Variants in KCNIP4 observed in about 807,000 individuals in gnomAD.
KCNIP4 encodes the protein Kv channel-interacting protein 4.
Under a neutral mutation model 34.0 loss-of-function variants are expected in KCNIP4, and 12 were observed. The observed-to-expected ratio is 0.35, with a 90% confidence interval of 0.23 to 0.57. KCNIP4 has a LOEUF of 0.57. Ranked by LOEUF, KCNIP4 falls within the 20% of genes least tolerant of loss-of-function variation. The pLI is 0.83. For missense variants in KCNIP4, 238 were observed against 311.7 expected (o/e 0.76, Z 1.78); for synonymous variants, 124 against 102.2 (o/e 1.21, Z -1.29).
At chr4:21,043,962 TTCCATTGGG>T (rs1039458472) in intron 1 of KCNIP4, among the ~76,000 whole-genome samples, 10 of 152,144 alleles carry the variant, frequency 6.6e-5, no homozygotes, top group African/African-American at 2.4e-4. Context: ...TGCCATTGGT[TTCCATTGGG>T]TGGATTAGGA....
intron 1 of KCNIP4, among the ~76,000 whole-genome samples, chr4:21,021,058 G>A (rs911209399): frequency 6.6e-6 from 1 of 152,060 alleles, no homozygotes; most frequent in Non-Finnish European, 1.5e-5. Context: ...AGGCATAACC[G>A]ACTACACACC....
At chr4:21,265,459 C>A (rs555492248) in intron 1 of KCNIP4, among the ~76,000 whole-genome samples, 172 of 152,212 alleles carry the variant, frequency 1.1e-3, no homozygotes, top group African/African-American at 3.9e-3. Flanking sequence ...TCCACTCTGG[C>A]CACAGTATGG....
At chr4:21,294,069 C>T (rs1019915931) in intron 1 of KCNIP4, among the ~76,000 whole-genome samples, 1 of 152,140 alleles carries the variant, frequency 6.6e-6, no homozygotes, top group African/African-American at 2.4e-5. Context: ...TCAAATACAA[C>T]TGGATCATAA....
chr4:20,939,071 T>A (rs934709885), intron 1 of KCNIP4, among the ~76,000 whole-genome samples: 3 of 152,190 alleles, frequency 2.0e-5, no homozygotes, highest in Admixed American at 2.0e-4. Flanking sequence ...TTTATTGGAC[T>A]GTTCTGTTGC....
chr4:21,722,309 T>G (rs1487780849), intron 1 of KCNIP4, among the ~76,000 whole-genome samples: 12 of 152,110 alleles, frequency 7.9e-5, no homozygotes, highest in Admixed American at 7.9e-4. Context: ...AGCCACACTT[T>G]AGGCATGTGA....
At chr4:21,714,781 C>A (rs779231790) in intron 1 of KCNIP4, among the ~76,000 whole-genome samples, 2 of 47,344 alleles carry the variant, frequency 4.2e-5, no homozygotes, top group African/African-American at 3.5e-4. Flanking sequence ...AGTAATTTCC[C>A]TTTGATTATT....
At chr4:21,746,866 T>C (rs1008482459) in intron 1 of KCNIP4, among the ~76,000 whole-genome samples, 2 of 152,144 alleles carry the variant, frequency 1.3e-5, no homozygotes, top group Admixed American at 6.6e-5. Context: ...ATTCACAGAA[T>C]AAAAGGAGCA....
intron 2 of KCNIP4, among the ~76,000 whole-genome samples, chr4:20,863,994 A>G (rs1722485746): frequency 7.3e-6 from 1 of 137,544 alleles, no homozygotes; most frequent in African/African-American, 2.6e-5. Context: ...GTATAACTAG[A>G]TATACGTACA....
intron 1 of KCNIP4, among the ~76,000 whole-genome samples, chr4:21,695,141 G>A (rs1486858849): frequency 2.0e-5 from 3 of 152,006 alleles, no homozygotes; most frequent in Non-Finnish European, 4.4e-5. Flanking sequence ...TACTAGCTAA[G>A]GGACTTGAAA....
intron 1 of KCNIP4, among the ~76,000 whole-genome samples, chr4:21,618,374 T>C (rs1285654851): frequency 3.3e-5 from 5 of 152,084 alleles, no homozygotes; most frequent in African/African-American, 1.2e-4. Context: ...TAATAAGGTA[T>C]GTCAAAAAAT....
intron 1 of KCNIP4, among the ~76,000 whole-genome samples, chr4:21,762,047 C>T (rs1326210311): frequency 6.6e-6 from 1 of 152,092 alleles, no homozygotes; most frequent in African/African-American, 2.4e-5. Flanking sequence ...GGAAATATTA[C>T]AATGACACTT....
chr4:20,732,368 CT>C (rs999363873), intron 7 of KCNIP4, among the ~76,000 whole-genome samples: 1 of 152,118 alleles, frequency 6.6e-6, no homozygotes, highest in Admixed American at 6.5e-5. Context: ...TCAGAGCTTG[CT>C]TTTTGTCTCA....
chr4:21,712,781 T>TA (rs549577829), intron 1 of KCNIP4, among the ~76,000 whole-genome samples: 22 of 149,618 alleles, frequency 1.5e-4, no homozygotes, highest in South Asian at 6.3e-4. Flanking sequence ...CAGAGATTTT[T>TA]AAAAAAAAAA....
chr4:21,639,350 G>C (rs1746446290), intron 1 of KCNIP4, among the ~76,000 whole-genome samples: 1 of 152,014 alleles, frequency 6.6e-6, no homozygotes, highest in African/African-American at 2.4e-5. Flanking sequence ...ATAAAATTAA[G>C]ACCCAACAAA....
At position 21,715,294 on chromosome 4, in the gene KCNIP4, G is replaced by C. The variant is rs552163481; in HGVS notation, c.61+233277C>G. Among the ~76,000 whole-genome samples, 55 of 151,698 alleles carry C rather than the reference G, an allele frequency of 3.6e-4. 1 individual carries two copies. The South Asian group carries it at 0.011, about 30-fold the overall frequency. On this transcript the variant is annotated intron_variant, in intron 1 of 8. Coordinates refer to ENST00000382152, the MANE Select transcript of KCNIP4 (RefSeq NM_025221.6). Reference sequence around the variant, plus strand: ...CTACAGGCGCCCGCCATCATGCCCGGCTAATTTTTCTATTTTTAGTAGACA... The same window carrying C: ...CTACAGGCGCCCGCCATCATGCCCGCCTAATTTTTCTATTTTTAGTAGACA...
chr4:21,310,455 G>T (rs1006381735), intron 1 of KCNIP4, among the ~76,000 whole-genome samples: 1 of 152,030 alleles, frequency 6.6e-6, no homozygotes, highest in South Asian at 2.1e-4. Flanking sequence ...ATTCTGGTGC[G>T]CAAAATCAGC....
chr4:21,742,540 T>C (rs1716484946), intron 1 of KCNIP4, among the ~76,000 whole-genome samples: 1 of 152,222 alleles, frequency 6.6e-6, no homozygotes, highest in Non-Finnish European at 1.5e-5. Flanking sequence ...TAAGTATGAA[T>C]CAGCATTTCA....
chr4:21,561,601 C>T (rs1739488622), intron 1 of KCNIP4, among the ~76,000 whole-genome samples: 1 of 151,624 alleles, frequency 6.6e-6, no homozygotes, highest in Non-Finnish European at 1.5e-5. Flanking sequence ...ATTGTTTTTC[C>T]TTATTTTGGG....
chr4:21,847,022 C>T (rs1005311064), intron 1 of KCNIP4: 3 of 151,990 alleles, frequency 2.0e-5, no homozygotes, highest in Non-Finnish European at 2.9e-5. Context: ...AGATAAGCAC[C>T]GTTATTCACA....
Sources: allele counts gnomAD v4.1 joint callset (sites outside exome capture counted in the v4.1 genomes callset), GRCh38; gene constraint gnomAD v4.1.1; transcripts MANE v1.5; gene names NCBI Gene and HGNC (gene_info 2026-07-23, HGNC 2026-07-21).